The following GNA12 variants were observed in gnomAD, a reference collection of about 807,000 sequenced individuals.
GNA12 encodes G protein subunit alpha 12, also known as guanine nucleotide-binding protein subunit alpha-12.
In GNA12, 9 loss-of-function variants were observed where a neutral mutation model predicts 26.0. The ratio of observed to expected loss-of-function variants is 0.35; its 90% CI spans 0.21 to 0.60. The LOEUF is 0.60. Among genes scored for constraint, GNA12 ranks in the 20% least tolerant of loss-of-function variants. The pLI is 0.78. For synonymous variants in GNA12, 264 were observed against 219.6 expected (o/e 1.20, Z -1.79); for missense variants, 405 against 525.8 (o/e 0.77, Z 2.25).
At chr7:2,764,068 A>G (rs1040403809) in intron 2 of GNA12, among the ~76,000 whole-genome samples, 3 of 151,786 alleles carry the variant, frequency 2.0e-5, no homozygotes, top group African/African-American at 7.3e-5. Flanking sequence ...TTGGTTGAGT[A>G]TTTTTTATCA....
chr7:2,790,799 A>G (rs532288583), intron 2 of GNA12, among the ~76,000 whole-genome samples: 2 of 152,334 alleles, frequency 1.3e-5, no homozygotes, highest in East Asian at 1.9e-4. Context: ...TAAGACCTCA[A>G]TGCTATGAAA....
intron 2 of GNA12, among the ~76,000 whole-genome samples, chr7:2,780,958 T>G (rs1792212157): frequency 6.6e-6 from 1 of 152,264 alleles, no homozygotes; most frequent in Non-Finnish European, 1.5e-5. Context: ...CCAACTTGTG[T>G]TCCCACCAGC....
At chr7:2,732,246 C>T (rs1032867677) in intron 3 of GNA12, among the ~76,000 whole-genome samples, 5 of 152,208 alleles carry the variant, frequency 3.3e-5, no homozygotes, top group Admixed American at 6.5e-5. Context: ...CTCACTTTGA[C>T]TTTGCACTAT....
intron 2 of GNA12, among the ~76,000 whole-genome samples, chr7:2,785,279 T>C (rs184557234): frequency 1.3e-5 from 2 of 152,312 alleles, no homozygotes; most frequent in African/African-American, 4.8e-5. Flanking sequence ...CCCAGGCTAC[T>C]CTAAATTCTT....
chr7:2,770,650 CAACAA>C (rs56863310), intron 2 of GNA12, among the ~76,000 whole-genome samples: 8 of 136,056 alleles, frequency 5.9e-5, no homozygotes, highest in South Asian at 2.5e-4. Flanking sequence ...ACAATAACAA[CAACAA>C]AACAAAACAA....
intron 1 of GNA12, among the ~76,000 whole-genome samples, chr7:2,833,948 C>T (rs1218903423): frequency 6.6e-6 from 1 of 152,122 alleles, no homozygotes; most frequent in Non-Finnish European, 1.5e-5. Context: ...ATTTAATTTC[C>T]AAAATTTTTA....
chr7:2,743,918 A>C (rs533510650), intron 2 of GNA12, among the ~76,000 whole-genome samples: 23 of 152,138 alleles, frequency 1.5e-4, no homozygotes, highest in African/African-American at 3.4e-4. Context: ...AGTCTTGCTC[A>C]TTGCTAGCAC....
rs370535451 is a variant in GNA12, at chr7:2,818,366, C to T, written c.310-23223G>A. Among the ~76,000 whole-genome samples, 19 of 152,326 alleles carry T rather than the reference C, an allele frequency of 1.2e-4. No homozygotes were observed. The South Asian group carries it at 1.5e-3, about 12-fold the overall frequency. ...TGTCACAACCAAACACGCCTGCAGA[C>T]GCTGCCAAATGTCCCCCTGGGGAGC... On this transcript the variant is annotated intron_variant, in intron 1 of 3. Coordinates refer to ENST00000275364, the MANE Select transcript of GNA12 (RefSeq NM_007353.3).
chr7:2,796,403 G>T (rs994777520), intron 1 of GNA12, among the ~76,000 whole-genome samples: 1 of 152,146 alleles, frequency 6.6e-6, no homozygotes, highest in African/African-American at 2.4e-5. Context: ...CCTATTTTCC[G>T]TTGGCGGCTG....
intron 2 of GNA12, among the ~76,000 whole-genome samples, chr7:2,744,208 G>C (rs113069252): frequency 6.6e-6 from 1 of 152,198 alleles, no homozygotes; most frequent in Non-Finnish European, 1.5e-5. Context: ...ATCTGAGAAC[G>C]GGCAGACTGC....
chr7:2,738,537 G>A (rs1057469926), intron 2 of GNA12, among the ~76,000 whole-genome samples: 3 of 152,052 alleles, frequency 2.0e-5, no homozygotes, highest in South Asian at 2.1e-4. Context: ...AAGAAATGGC[G>A]GGAGACTAAA....
intron 2 of GNA12, among the ~76,000 whole-genome samples, chr7:2,790,973 T>G (rs558546747): frequency 1.0e-4 from 14 of 140,648 alleles, no homozygotes; most frequent in African/African-American, 3.7e-4. Context: ...GATTGTCCCT[T>G]TAAAAAAAAA....
intron 2 of GNA12, among the ~76,000 whole-genome samples, chr7:2,734,674 C>T (rs1293590129): frequency 6.6e-6 from 1 of 152,216 alleles, no homozygotes; most frequent in Admixed American, 6.5e-5. Context: ...GGGAGGAGCC[C>T]ACCTTCCTAC....
intron 2 of GNA12, among the ~76,000 whole-genome samples, chr7:2,783,679 TTTA>T (rs1792289210): frequency 6.7e-6 from 1 of 149,584 alleles, no homozygotes; most frequent in South Asian, 2.1e-4. Context: ...TATTTATTTA[TTTA>T]TTTATTTATT....
chr7:2,789,326 G>A (rs1173527207), intron 2 of GNA12, among the ~76,000 whole-genome samples: 5 of 148,236 alleles, frequency 3.4e-5, no homozygotes, highest in East Asian at 2.0e-4. Context: ...TAGTAGAGAC[G>A]GGGTTTCACC....
chr7:2,744,523 C>G (rs960896294), intron 2 of GNA12, among the ~76,000 whole-genome samples: 1 of 152,156 alleles, frequency 6.6e-6, no homozygotes, highest in Admixed American at 6.5e-5. Flanking sequence ...ATCTGTACGT[C>G]ACCATCATCA....
At chr7:2,789,539 T>C (rs1453211766) in intron 2 of GNA12, among the ~76,000 whole-genome samples, 1 of 152,150 alleles carries the variant, frequency 6.6e-6, no homozygotes, top group South Asian at 2.1e-4. Context: ...CTACTCCCCA[T>C]AGGTGAGTTC....
At chr7:2,785,874 A>G (rs940121841) in intron 2 of GNA12, among the ~76,000 whole-genome samples, 12 of 152,290 alleles carry the variant, frequency 7.9e-5, no homozygotes, top group African/African-American at 2.4e-4. Context: ...TGGCGAAACC[A>G]TATCTCTACT....
At chr7:2,743,928 C>T (rs1274844359) in intron 2 of GNA12, among the ~76,000 whole-genome samples, 1 of 152,010 alleles carries the variant, frequency 6.6e-6, no homozygotes, top group Non-Finnish European at 1.5e-5. Flanking sequence ...ATTGCTAGCA[C>T]AGCAGTCTGA....
Sources: gnomAD v4.1 joint callset for allele counts (sites outside exome capture counted in the v4.1 genomes callset) on GRCh38, gnomAD v4.1.1 for gene constraint, MANE v1.5 for transcripts, NCBI Gene and HGNC (gene_info 2026-07-23, HGNC 2026-07-21) for gene names.